Variants in CSMD2 observed in about 807,000 individuals in gnomAD.
CSMD2 encodes CUB and sushi domain-containing protein 2.
CSMD2 carries 130 observed loss-of-function variants against 398.5 expected under a neutral mutation model. The ratio of observed to expected loss-of-function variants is 0.33; its 90% CI spans 0.28 to 0.38. CSMD2 has a LOEUF of 0.38. Ranked by LOEUF, CSMD2 falls within the 10% of genes least tolerant of loss-of-function variation. The probability of loss-of-function intolerance (pLI) is 1.00; values close to 1 mark genes in which losing one functional copy is unlikely to be tolerated. For missense variants in CSMD2, 3,829 were observed against 4,764.9 expected (o/e 0.80, Z 5.78); for synonymous variants, 1,828 against 1,908.5 (o/e 0.96, Z 1.10).
chr1:33,875,766 T>C (rs1330609958), intron 5 of CSMD2, among the ~76,000 whole-genome samples: 1 of 152,142 alleles, frequency 6.6e-6, no homozygotes, highest in Non-Finnish European at 1.5e-5. Context: ...AGAGTTGTAA[T>C]TGGTAAAGAA....
intron 47 of CSMD2, among the ~76,000 whole-genome samples, chr1:33,581,717 T>G (rs990962783): frequency 6.6e-6 from 1 of 152,184 alleles, no homozygotes; most frequent in Middle Eastern, 3.4e-3. Flanking sequence ...CCTCTTCTTT[T>G]GTCCTACCTT....
chr1:33,788,247 C>T (rs1195404969), intron 12 of CSMD2, among the ~76,000 whole-genome samples: 1 of 152,084 alleles, frequency 6.6e-6, no homozygotes, highest in Non-Finnish European at 1.5e-5. Context: ...GTGGCTCACG[C>T]CTGTAACCCC....
chr1:34,016,092 T>C (rs1648071446), intron 3 of CSMD2, among the ~76,000 whole-genome samples: 1 of 152,140 alleles, frequency 6.6e-6, no homozygotes, highest in Admixed American at 6.5e-5. Context: ...TATATACATA[T>C]ATTTAGTTAA....
chr1:33,820,331 C>G, intron 8 of CSMD2, 138 bp downstream of exon 8: 5 of 697,402 alleles, frequency 7.2e-6, no homozygotes, highest in Non-Finnish European at 1.3e-5. Flanking sequence ...AAAGCCATAG[C>G]TCTTCTCCAG....
intron 50 of CSMD2, 131 bp from the exon 51 acceptor site, chr1:33,571,857 G>A: frequency 1.5e-6 from 1 of 666,638 alleles, no homozygotes; most frequent in Non-Finnish European, 2.1e-6. Flanking sequence ...CAGTTCTCAG[G>A]CAGGTTTGGT....
In CSMD2 at chr1:33,864,069, C is replaced by T. The variant is rs376854432; in HGVS notation, c.921-17073G>A. The T allele has an allele frequency of 6.4e-5, 57 of 891,936 alleles. No individual in the cohort carries two copies. In the East Asian group the frequency reaches 1.2e-3, roughly 18 times the overall value. 55.3% of individuals were successfully genotyped at this position (891,936 alleles called of 1,614,324 possible). The stretch of plus-strand genomic sequence containing the variant: ...CACTGAAAAGGCTGAGCCCTGACTA[C>T]AGCTCTTGCAGACAGAAAAATTCGC... On this transcript the variant is annotated intron_variant, in intron 5 of 70. Coordinates refer to ENST00000373381, the MANE Select transcript of CSMD2 (RefSeq NM_001281956.2).
intron 44 of CSMD2, among the ~76,000 whole-genome samples, chr1:33,594,561 GA>G (rs1330109234): frequency 6.6e-6 from 1 of 152,074 alleles, no homozygotes; most frequent in Non-Finnish European, 1.5e-5. Context: ...TTTCATCTCA[GA>G]AAAGTTTTAT....
At chr1:34,024,914 C>G (rs148378778) in intron 3 of CSMD2, among the ~76,000 whole-genome samples, 1 of 152,128 alleles carries the variant, frequency 6.6e-6, no homozygotes, top group Non-Finnish European at 1.5e-5. Flanking sequence ...AGGCTGAGGC[C>G]GAGAGAGAGA....
At chr1:34,093,652 G>GT (rs1249324916) in intron 1 of CSMD2, among the ~76,000 whole-genome samples, 1 of 151,756 alleles carries the variant, frequency 6.6e-6, no homozygotes, top group African/African-American at 2.4e-5. Context: ...GGAAGAAAGG[G>GT]TATCAGCAAT....
intron 2 of CSMD2, among the ~76,000 whole-genome samples, chr1:34,047,784 C>T (rs755034922): frequency 5.9e-5 from 9 of 152,086 alleles, no homozygotes; most frequent in Non-Finnish European, 1.2e-4. Context: ...TGGTAGGATA[C>T]GGAGGTCATC....
intron 10 of CSMD2, among the ~76,000 whole-genome samples, chr1:33,806,298 C>T (rs753793973): frequency 2.6e-5 from 4 of 152,176 alleles, no homozygotes; most frequent in South Asian, 2.1e-4. Context: ...GAATTCACAA[C>T]AGTAAGTCAG....
intron 38 of CSMD2, 123 bp downstream of exon 38, chr1:33,617,376 G>A (rs2148859208): frequency 1.4e-6 from 1 of 712,034 alleles, no homozygotes; most frequent in South Asian, 1.7e-5. Context: ...AGAGGATAAT[G>A]GTACCCGGGG....
chr1:33,969,115 A>AAAAC (rs1645663981), intron 3 of CSMD2, among the ~76,000 whole-genome samples: 1 of 152,218 alleles, frequency 6.6e-6, no homozygotes, highest in South Asian at 2.1e-4. Context: ...GAGAAAGAAC[A>AAAAC]TGGTCAGAGA....
intron 1 of CSMD2, among the ~76,000 whole-genome samples, chr1:34,152,550 G>A (rs1216077546): frequency 6.6e-6 from 1 of 152,068 alleles, no homozygotes; most frequent in African/African-American, 2.4e-5. Flanking sequence ...ACTCAACCAG[G>A]AGCCCATGCA....
intron 5 of CSMD2, among the ~76,000 whole-genome samples, chr1:33,869,849 T>C (rs1640326989): frequency 6.6e-6 from 1 of 152,202 alleles, no homozygotes; most frequent in Admixed American, 6.5e-5. Flanking sequence ...CTCCAATCAG[T>C]TCATCAGTAA....
At chr1:33,844,821 A>C (rs1661202175) in intron 6 of CSMD2, among the ~76,000 whole-genome samples, 1 of 152,200 alleles carries the variant, frequency 6.6e-6, no homozygotes, top group Admixed American at 6.5e-5. Flanking sequence ...ACTGGCGCAC[A>C]CTAACATGCA....
At chr1:33,929,912 C>A (rs1296287335) in intron 4 of CSMD2, among the ~76,000 whole-genome samples, 1 of 152,190 alleles carries the variant, frequency 6.6e-6, no homozygotes, top group Non-Finnish European at 1.5e-5. Context: ...AGGCCACCTC[C>A]CCACAGAGGC....
At chr1:33,575,246 G>A (rs1659963552) in intron 49 of CSMD2, among the ~76,000 whole-genome samples, 2 of 151,068 alleles carry the variant, frequency 1.3e-5, no homozygotes, top group African/African-American at 5.0e-5. Flanking sequence ...AAGGCATTAG[G>A]AGGCATAGAG....
chr1:33,756,429 A>G (rs1304400918), intron 13 of CSMD2, among the ~76,000 whole-genome samples: 2 of 152,178 alleles, frequency 1.3e-5, no homozygotes, highest in African/African-American at 4.8e-5. Context: ...AGGTGACGAA[A>G]AAAGGAATGA....
Sources: allele counts gnomAD v4.1 joint callset (sites outside exome capture counted in the v4.1 genomes callset), GRCh38; gene constraint gnomAD v4.1.1; transcripts MANE v1.5; gene names NCBI Gene and HGNC (gene_info 2026-07-23, HGNC 2026-07-21).